Variants in RB1 observed in about 807,000 individuals in gnomAD.
The protein encoded by RB1 is retinoblastoma-associated protein.
A neutral mutation model predicts 135.4 loss-of-function variants in RB1; 18 were observed. That is an observed-to-expected ratio of 0.13 (90% CI 0.09 to 0.20). The LOEUF (loss-of-function observed/expected upper bound fraction) is 0.20, where lower values mean the gene tolerates loss of function less well. Ranked by LOEUF, RB1 falls within the 10% of genes least tolerant of loss-of-function variation. The pLI, the probability that RB1 is intolerant of heterozygous loss-of-function variation, is 1.00. For synonymous variants in RB1, 365 were observed against 373.2 expected (o/e 0.98, Z 0.25); for missense variants, 868 against 1,110.0 (o/e 0.78, Z 3.10).
At chr13:48,318,254 G>T in intron 2 of RB1, 1 of 791,762 alleles carries the variant, frequency 1.3e-6, no homozygotes, top group Non-Finnish European at 2.0e-6. Flanking sequence ...GCACCGGCGG[G>T]CTTCTGTCTT....
intron 17 of RB1, chr13:48,422,565 T>A (rs1193306957): frequency 6.6e-6 from 1 of 152,154 alleles, no homozygotes; most frequent in Non-Finnish European, 1.5e-5. Context: ...GTTGCCATAA[T>A]GACCTTGTAG....
chr13:48,417,544 G>A (rs951734105), intron 17 of RB1, among the ~76,000 whole-genome samples: 4 of 151,902 alleles, frequency 2.6e-5, no homozygotes, highest in East Asian at 3.9e-4. Context: ...ACAACTCCTC[G>A]CCAGCAAGGG....
At chr13:48,317,522 C>A in intron 2 of RB1, 1 of 442,408 alleles carries the variant, frequency 2.3e-6, no homozygotes, top group South Asian at 2.1e-5. Context: ...CCAGCACCTC[C>A]GGCCTCGGTG....
chr13:48,427,160 C>T (rs1011088466), intron 17 of RB1, among the ~76,000 whole-genome samples: 1 of 151,252 alleles, frequency 6.6e-6, no homozygotes, highest in Non-Finnish European at 1.5e-5. Flanking sequence ...GAGCACACTT[C>T]AACACGAGTC....
At chr13:48,433,105 A>G (rs1949146777) in intron 17 of RB1, among the ~76,000 whole-genome samples, 1 of 152,138 alleles carries the variant, frequency 6.6e-6, no homozygotes, top group Admixed American at 6.5e-5. Context: ...ATTTTAAACA[A>G]TATGAGAAAT....
rs1266867448 is a variant in RB1 at position 48,342,727 on chromosome 13, G to C, written c.380+13G>C. Reference sequence around the variant, plus strand: ...ACATAGAAATCAGGTAAAGTTTCTTGTATAAATATAAGCCTCTGCCATAAA... The same window carrying C: ...ACATAGAAATCAGGTAAAGTTTCTTCTATAAATATAAGCCTCTGCCATAAA... On this transcript the variant is annotated intron_variant, in intron 3 of 26. Transcript: ENST00000267163. 6.5e-7 allele frequency: 1 copy of C among 1,531,710 alleles called. No homozygotes were observed. The highest frequency in any genetic ancestry group is 1.7e-5 in the Admixed American group (1 of 59,800). 94.9% of individuals were successfully genotyped at this position (1,531,710 alleles called of 1,614,324 possible).
Position 48,360,043 on chromosome 13 carries a change from C to A in RB1, c.634C>A (p.Leu212Met), listed in dbSNP as rs147085238. The A allele has an allele frequency of 6.2e-7, 1 of 1,611,992 alleles. No individual in the cohort carries two copies. Among genetic ancestry groups the A allele is most frequent in the Non-Finnish European group, 8.5e-7 (1 of 1,179,094 alleles). Residue 212 changes from leucine (L) to methionine (M), a missense_variant, in exon 7 of 27, where the codon CTG (leucine) becomes ATG (methionine). Leu to Met is a conservative substitution (Grantham distance 15). Around this residue, in one of 3 missense-constraint regions of RB1, gnomAD observed 641 missense variants for 791.3 expected, o/e 0.81. Transcript: ENST00000267163. ...KGEVLQMEDD[L>M]VISFQLMLCV... Reference sequence around the variant, plus strand: ...GGAAGTATTACAAATGGAAGATGATCTGGTGATTTCATTTCAGTTAATGCT... The same window carrying A: ...GGAAGTATTACAAATGGAAGATGATATGGTGATTTCATTTCAGTTAATGCT...
At chr13:48,360,289 A>G in intron 7 of RB1, 162 bp downstream of exon 7, 1 of 1,416,068 alleles carries the variant, frequency 7.1e-7, no homozygotes, top group Non-Finnish European at 9.3e-7. Flanking sequence ...GAAAGATAAG[A>G]CATGGAAACA....
intron 17 of RB1, among the ~76,000 whole-genome samples, chr13:48,444,069 G>A (rs1421273885): frequency 6.6e-6 from 1 of 152,144 alleles, no homozygotes; most frequent in African/African-American, 2.4e-5. Context: ...TCTACTTGGA[G>A]ATAGTGTCAG....
intron 1 of RB1, among the ~76,000 whole-genome samples, chr13:48,304,364 C>G (rs1409803033): frequency 6.6e-6 from 1 of 151,896 alleles, no homozygotes; most frequent in African/African-American, 2.4e-5. Context: ...GTCCATCAGA[C>G]GCAAAAAATG....
intron 23 of RB1, among the ~76,000 whole-genome samples, 155 bp downstream of exon 23, chr13:48,465,523 G>A (rs1168692555): frequency 6.6e-6 from 1 of 152,180 alleles, no homozygotes; most frequent in Non-Finnish European, 1.5e-5. Context: ...ATGGGGGCGG[G>A]GTGAAGAAAA....
At position 48,319,178 on chromosome 13, in the gene RB1, G is replaced by T; in HGVS notation, c.264+11772G>T. 2 of 626,010 alleles carry T rather than the reference G, an allele frequency of 3.2e-6. No individual in the cohort carries two copies. The highest frequency in any genetic ancestry group is 5.5e-6 in the Non-Finnish European group (2 of 364,236). The allele number at this position is 626,010 out of a possible 1,614,324, so 38.8% of individuals were successfully genotyped here. A position where few individuals can be genotyped will look rare whatever the true frequency, so the allele number is the denominator to read the frequency against. ...AATGGTCAGCGTCTAGGCACCCCGG[G>T]CAAGGGTCTGTGGCCTTGGTGGCCA... On this transcript the variant is annotated intron_variant, in intron 2 of 26. Transcript: ENST00000267163. This position sits in a 1 kb window ranked among gnomAD's most constrained non-coding sequence, Gnocchi z 5.0.
chr13:48,365,278 C>T (rs4151490), intron 9 of RB1, among the ~76,000 whole-genome samples: 3,610 of 152,140 alleles, frequency 0.024, 150 homozygotes, highest in African/African-American at 0.083. Flanking sequence ...ATTTTAATAG[C>T]TAAATATAAA....
At chr13:48,410,711 A>G (rs1000954526) in intron 17 of RB1, among the ~76,000 whole-genome samples, 1 of 152,128 alleles carries the variant, frequency 6.6e-6, no homozygotes, top group Non-Finnish European at 1.5e-5. Flanking sequence ...AATTGGGTGC[A>G]TTATATACAG....
intron 17 of RB1, among the ~76,000 whole-genome samples, chr13:48,382,411 T>C (rs1388339366): frequency 3.9e-5 from 6 of 152,114 alleles, no homozygotes; most frequent in Non-Finnish European, 7.4e-5. Context: ...GAGATGGTAT[T>C]TCATTGTGGT....
At position 48,380,034 on chromosome 13, in the gene RB1, TTTA is replaced by T; in HGVS notation, c.1390-18_1390-16del. On this transcript the variant is annotated splice_polypyrimidine_tract_variant and intron_variant, in intron 14 of 26. Coordinates refer to ENST00000267163, the MANE Select transcript of RB1 (RefSeq NM_000321.3). ...CAATTAAACAACTTCTTTTTTTTTT[TTTA>T]AATTATCTGTTTCAGGAAGAAGAAC... 7.6e-7 allele frequency: 1 copy of T among 1,311,110 alleles called. No homozygotes were observed. 81.2% of individuals were successfully genotyped at this position (1,311,110 alleles called of 1,614,324 possible).
At chr13:48,370,154 G>A (rs1952743933) in intron 11 of RB1, among the ~76,000 whole-genome samples, 2 of 152,284 alleles carry the variant, frequency 1.3e-5, no homozygotes, top group South Asian at 4.2e-4. Context: ...TGTGTCACAG[G>A]ATAAAGATTT....
intron 17 of RB1, among the ~76,000 whole-genome samples, chr13:48,384,333 T>A (rs573035180): frequency 6.6e-6 from 1 of 152,322 alleles, no homozygotes; most frequent in African/African-American, 2.4e-5. Flanking sequence ...TGGATAACTT[T>A]GTGAAGATAA....
At position 48,479,947 on chromosome 13, in the gene RB1, A is replaced by G. The variant is rs780501961; in HGVS notation, c.2714-51A>G. The G allele has an allele frequency of 4.6e-6, 7 of 1,508,402 alleles. No homozygotes were observed. In the East Asian group the frequency reaches 1.2e-4, roughly 25 times the overall value. 93.4% of individuals were successfully genotyped at this position (1,508,402 alleles called of 1,614,324 possible). On this transcript the variant is annotated intron_variant, in intron 26 of 26. Transcript: ENST00000267163. Reference sequence around the variant, plus strand: ...ATAATATATATGGCAGCCACTTGCCAACTTACCCAGTACCATCAATGCTGT... The same window carrying G: ...ATAATATATATGGCAGCCACTTGCCGACTTACCCAGTACCATCAATGCTGT...
Sources: allele counts gnomAD v4.1 joint callset (sites outside exome capture counted in the v4.1 genomes callset), GRCh38; gene constraint gnomAD v4.1.1; regional missense constraint gnomAD v4.1.1; non-coding constraint Gnocchi (gnomAD v3.1); transcripts MANE v1.5; gene names NCBI Gene and HGNC (gene_info 2026-07-23, HGNC 2026-07-21).